The following TNRC6C variants were observed in gnomAD, a reference collection of about 807,000 sequenced individuals.
TNRC6C encodes the protein trinucleotide repeat-containing gene 6C protein.
Under a neutral mutation model 153.7 loss-of-function variants are expected in TNRC6C, and 20 were observed. The ratio of observed to expected loss-of-function variants is 0.13; its 90% CI spans 0.09 to 0.19. TNRC6C has a LOEUF of 0.19. Ranked by LOEUF, TNRC6C falls within the 10% of genes least tolerant of loss-of-function variation. The pLI, the probability that TNRC6C is intolerant of heterozygous loss-of-function variation, is 1.00. For synonymous variants in TNRC6C, 811 were observed against 841.4 expected (o/e 0.96, Z 0.63); for missense variants, 1,987 against 2,172.0 (o/e 0.91, Z 1.69).
intron 3 of TNRC6C, among the ~76,000 whole-genome samples, chr17:78,061,208 A>G (rs1346406686): frequency 6.6e-6 from 1 of 152,228 alleles, no homozygotes; most frequent in Non-Finnish European, 1.5e-5. Flanking sequence ...TAAAAGTTTA[A>G]TATCAGTATT....
intron 9 of TNRC6C, among the ~76,000 whole-genome samples, chr17:78,078,123 C>T (rs1211676460): frequency 6.6e-6 from 1 of 152,160 alleles, no homozygotes; most frequent in Admixed American, 6.5e-5. Context: ...CAATAGTGCC[C>T]CTTCCACTCA....
intron 1 of TNRC6C, among the ~76,000 whole-genome samples, chr17:77,979,795 CAAAG>C (rs1024540187): frequency 4.0e-5 from 6 of 151,780 alleles, no homozygotes; most frequent in African/African-American, 1.5e-4. Context: ...ATTGCCAAAA[CAAAG>C]AAAATCTTAA....
At chr17:78,101,560 T>C (rs4789535) in intron 17 of TNRC6C, among the ~76,000 whole-genome samples, 35,523 of 151,806 alleles carry the variant, frequency 0.23, 4,923 homozygotes, top group African/African-American at 0.37. Flanking sequence ...AATAGAGCGG[T>C]GTGAAGTGGG....
At chr17:77,964,273 A>G (rs772129802) in intron 1 of TNRC6C, among the ~76,000 whole-genome samples, 1 of 152,196 alleles carries the variant, frequency 6.6e-6, no homozygotes, top group Non-Finnish European at 1.5e-5. Context: ...TTAATACTCT[A>G]TTGTATCTTT....
intron 1 of TNRC6C, among the ~76,000 whole-genome samples, chr17:78,021,996 CTA>C (rs112103364): frequency 1.1e-3 from 169 of 152,278 alleles, no homozygotes; most frequent in African/African-American, 4.0e-3. Flanking sequence ...AGTTGGAACT[CTA>C]TTAGTATCTG....
chr17:77,960,294 G>GT (rs756969392), intron 1 of TNRC6C, among the ~76,000 whole-genome samples: 25 of 152,338 alleles, frequency 1.6e-4, no homozygotes, highest in Non-Finnish European at 1.8e-4. Context: ...GGAGTTGCAA[G>GT]TTGGAGCCTT....
At chr17:78,015,321 G>A (rs1437244799) in intron 1 of TNRC6C, among the ~76,000 whole-genome samples, 1 of 152,184 alleles carries the variant, frequency 6.6e-6, no homozygotes, top group African/African-American at 2.4e-5. Flanking sequence ...AGGAAACCTT[G>A]TTGTATTTAT....
At chr17:77,985,425 C>T (rs1241343226) in intron 1 of TNRC6C, among the ~76,000 whole-genome samples, 2 of 150,078 alleles carry the variant, frequency 1.3e-5, no homozygotes, top group Non-Finnish European at 3.0e-5. Flanking sequence ...AACCCCGTCT[C>T]TACTAAAAAT....
intron 1 of TNRC6C, chr17:78,011,903 A>G (rs2071639246): frequency 6.6e-6 from 1 of 152,232 alleles, no homozygotes; most frequent in Admixed American, 6.5e-5. Context: ...CCTAATGACT[A>G]ATGTGGCACT....
At chr17:78,055,630 CT>C (rs1281153773) in intron 3 of TNRC6C, among the ~76,000 whole-genome samples, 2 of 152,180 alleles carry the variant, frequency 1.3e-5, no homozygotes, top group Non-Finnish European at 2.9e-5. Context: ...TTTAAATTGG[CT>C]TGTGTGTCCC....
rs755501445 is a variant in TNRC6C, at chr17:78,064,704, C to T, written c.2396-18C>T. On this transcript the variant is annotated intron_variant, in intron 3 of 19. Coordinates refer to ENST00000301624, the Ensembl canonical transcript of TNRC6C. ...ATGCACTTTCATTATTTTCTCTACC[C>T]CTTGGAACCTTTTTCAGTTTCATCA... is the stretch of plus-strand genomic sequence containing the variant. 6 of 1,611,446 alleles carry T rather than the reference C, an allele frequency of 3.7e-6. No homozygotes were observed. The highest frequency in any genetic ancestry group is 5.1e-6 in the Non-Finnish European group (6 of 1,178,622).
chr17:77,959,132 T>C (rs1567890982), upstream of TNRC6C: 1 of 141,812 alleles, frequency 7.1e-6, no homozygotes, highest in Non-Finnish European at 1.6e-5. Flanking sequence ...CCTGAGTCCG[T>C]GGCGCCGGCG....
At chr17:78,020,020 C>T (rs2071802218) in intron 1 of TNRC6C, among the ~76,000 whole-genome samples, 1 of 152,186 alleles carries the variant, frequency 6.6e-6, no homozygotes, top group African/African-American at 2.4e-5. Context: ...TCCACTTATC[C>T]CTTCAGATTA....
intron 1 of TNRC6C, among the ~76,000 whole-genome samples, chr17:77,981,614 CAG>C (rs1224164181): frequency 2.0e-5 from 3 of 152,166 alleles, no homozygotes; most frequent in African/African-American, 7.2e-5. Context: ...TTTAATGAGT[CAG>C]AGATAGTAAT....
chr17:77,995,591 T>G (rs996595920), intron 1 of TNRC6C, among the ~76,000 whole-genome samples: 9 of 152,200 alleles, frequency 5.9e-5, no homozygotes, highest in Admixed American at 5.9e-4. Context: ...TAAGATTTCT[T>G]GCAAACAATG....
chr17:78,083,540 A>G lies in TNRC6C; in HGVS notation c.3477+374A>G, dbSNP rs529462367. 3.9e-5 allele frequency among the ~76,000 whole-genome samples: 6 copies of G among 152,312 alleles called. No homozygotes were observed. In the East Asian group the frequency reaches 9.6e-4, roughly 24 times the overall value. Reference sequence around the variant, plus strand: ...TGTTCAGAAAATCTACCAATCTACCAGATTTTATAATTAGGCATGTCTTTT... The same window carrying G: ...TGTTCAGAAAATCTACCAATCTACCGGATTTTATAATTAGGCATGTCTTTT... On this transcript the variant is annotated intron_variant, in intron 11 of 19. Transcript: ENST00000301624.
intron 1 of TNRC6C, among the ~76,000 whole-genome samples, chr17:78,022,548 G>A (rs929366951): frequency 8.5e-5 from 13 of 152,092 alleles, no homozygotes; most frequent in African/African-American, 3.1e-4. Flanking sequence ...GTGAGTTCTA[G>A]TCCCAGTGGT....
chr17:77,983,010 G>A (rs2071103256), intron 1 of TNRC6C, among the ~76,000 whole-genome samples: 1 of 151,986 alleles, frequency 6.6e-6, no homozygotes, highest in Non-Finnish European at 1.5e-5. Context: ...AAAGCCAACA[G>A]AACCAAAAGG....
chr17:78,030,150 CTTTTTT>C (rs373605701), intron 1 of TNRC6C, among the ~76,000 whole-genome samples: 2 of 149,246 alleles, frequency 1.3e-5, no homozygotes, highest in Non-Finnish European at 3.0e-5. Flanking sequence ...ATGTGCTAGA[CTTTTTT>C]TTTTGTTTTT....
Sources: gnomAD v4.1 joint callset for allele counts (sites outside exome capture counted in the v4.1 genomes callset) on GRCh38, gnomAD v4.1.1 for gene constraint, MANE v1.5 for transcripts, NCBI Gene and HGNC (gene_info 2026-07-23, HGNC 2026-07-21) for gene names.